MAML2: variants seen among roughly 807,000 people sequenced by gnomAD.
MAML2 encodes mastermind like transcriptional coactivator 2, also known as mastermind-like protein 2.
Under a neutral mutation model 96.1 loss-of-function variants are expected in MAML2, and 22 were observed. That is an observed-to-expected ratio of 0.23 (90% CI 0.16 to 0.33). The LOEUF (loss-of-function observed/expected upper bound fraction) is 0.33, where lower values mean the gene tolerates loss of function less well. MAML2 is among the 10% of genes least tolerant of loss of function. The pLI is 1.00. For missense variants in MAML2, 1,367 were observed against 1,392.4 expected, an observed-to-expected ratio of 0.98 and a Z score of 0.29; for synonymous variants, 561 against 521.3, an observed-to-expected ratio of 1.08 and a Z score of -1.04.
At chr11:96,230,753 G>C (rs1460134393) in intron 1 of MAML2, among the ~76,000 whole-genome samples, 1 of 152,208 alleles carries the variant, frequency 6.6e-6, no homozygotes, top group Non-Finnish European at 1.5e-5. Flanking sequence ...TAGTCCTCAG[G>C]AAATGAGGGA....
At chr11:96,173,154 G>A (rs1279960287) in intron 1 of MAML2, among the ~76,000 whole-genome samples, 1 of 152,176 alleles carries the variant, frequency 6.6e-6, no homozygotes, top group Admixed American at 6.6e-5. Context: ...CTGTCGGGGA[G>A]ATGTGTCCCA....
intron 2 of MAML2, among the ~76,000 whole-genome samples, chr11:96,046,267 C>G (rs4753186): frequency 1.3e-5 from 2 of 151,916 alleles, no homozygotes; most frequent in African/African-American, 4.8e-5. Flanking sequence ...TGATGAATTG[C>G]AAGAATGTGT....
chr11:96,164,560 C>G (rs1479661742), intron 1 of MAML2, among the ~76,000 whole-genome samples: 1 of 152,180 alleles, frequency 6.6e-6, no homozygotes, highest in Non-Finnish European at 1.5e-5. Context: ...AGAACATGCT[C>G]TTGATCTTCT....
chr11:95,999,571 A>G (rs1021020378), intron 2 of MAML2, among the ~76,000 whole-genome samples: 1 of 137,044 alleles, frequency 7.3e-6, no homozygotes, highest in Non-Finnish European at 1.6e-5. Context: ...TTGTTCTCTT[A>G]ATTAAAAAAA....
intron 1 of MAML2, among the ~76,000 whole-genome samples, chr11:96,285,746 G>C (rs1591113876): frequency 6.6e-6 from 1 of 152,182 alleles, no homozygotes; most frequent in Non-Finnish European, 1.5e-5. Context: ...CTGATCATTA[G>C]AGAAATGCAA....
chr11:96,185,204 T>C (rs531819286), intron 1 of MAML2, among the ~76,000 whole-genome samples: 41 of 148,442 alleles, frequency 2.8e-4, no homozygotes, highest in African/African-American at 1.1e-3. Flanking sequence ...ACTCCATCTG[T>C]GTTACAACCA....
chr11:96,110,330 T>C (rs1293596606), intron 1 of MAML2, among the ~76,000 whole-genome samples: 1 of 152,242 alleles, frequency 6.6e-6, no homozygotes. Flanking sequence ...GTTGGTACAA[T>C]ACTTGGTATT....
intron 2 of MAML2, among the ~76,000 whole-genome samples, chr11:96,014,153 AG>A (rs970628298): frequency 5.3e-5 from 8 of 152,284 alleles, no homozygotes; most frequent in African/African-American, 1.7e-4. Context: ...ACACCCTGCG[AG>A]GGGGACAAGG....
intron 1 of MAML2, among the ~76,000 whole-genome samples, chr11:96,133,933 G>A (rs1055729751): frequency 4.0e-4 from 61 of 152,272 alleles, no homozygotes; most frequent in African/African-American, 1.4e-3. Flanking sequence ...GGCAGAGGTT[G>A]CAGTAAGCTG....
At chr11:96,023,773 T>C (rs994664747) in intron 2 of MAML2, among the ~76,000 whole-genome samples, 1 of 152,024 alleles carries the variant, frequency 6.6e-6, no homozygotes, top group East Asian at 1.9e-4. Flanking sequence ...GCAAACAGAA[T>C]ATGGCTGAGA....
chr11:96,187,221 T>C (rs1041423571), intron 1 of MAML2, among the ~76,000 whole-genome samples: 32 of 152,234 alleles, frequency 2.1e-4, no homozygotes, highest in African/African-American at 7.5e-4. Flanking sequence ...TGAGATAACA[T>C]ATAAAATGTG....
At chr11:96,014,568 G>A (rs2135730757) in intron 2 of MAML2, among the ~76,000 whole-genome samples, 1 of 152,256 alleles carries the variant, frequency 6.6e-6, no homozygotes, top group East Asian at 1.9e-4. Context: ...CCAACCAATT[G>A]ATTATTTTGA....
At chr11:96,252,487 G>A (rs141182690) in intron 1 of MAML2, among the ~76,000 whole-genome samples, 1 of 149,214 alleles carries the variant, frequency 6.7e-6, no homozygotes, top group Admixed American at 6.7e-5. Flanking sequence ...GTGCAGTGGA[G>A]CGATCTCTGC....
chr11:96,031,817 C>G (rs1411335592), intron 2 of MAML2, among the ~76,000 whole-genome samples: 1 of 151,874 alleles, frequency 6.6e-6, no homozygotes, highest in African/African-American at 2.4e-5. Flanking sequence ...AACCCCGTCT[C>G]TACTAAAAAT....
intron 1 of MAML2, among the ~76,000 whole-genome samples, chr11:96,290,428 T>C (rs1488061972): frequency 6.6e-6 from 1 of 152,234 alleles, no homozygotes; most frequent in Non-Finnish European, 1.5e-5. Context: ...CTGCTTCTTC[T>C]ATGTGATTGA....
At chr11:96,249,155 C>T (rs1862550149) in intron 1 of MAML2, among the ~76,000 whole-genome samples, 1 of 152,060 alleles carries the variant, frequency 6.6e-6, no homozygotes, top group Non-Finnish European at 1.5e-5. Context: ...CAAATAAACT[C>T]TTCCTCCTTC....
intron 2 of MAML2, among the ~76,000 whole-genome samples, chr11:96,035,779 T>C (rs937473094): frequency 2.6e-5 from 4 of 152,184 alleles, no homozygotes; most frequent in Non-Finnish European, 4.4e-5. Flanking sequence ...TTCTGTTCCA[T>C]GAAATGCAAC....
intron 1 of MAML2, among the ~76,000 whole-genome samples, chr11:96,316,006 A>G (rs1863627394): frequency 6.6e-6 from 1 of 152,238 alleles, no homozygotes; most frequent in South Asian, 2.1e-4. Context: ...AGCAATATGT[A>G]AGCCTGTGAC....
At chr11:96,289,194 G>C (rs1433683276) in intron 1 of MAML2, among the ~76,000 whole-genome samples, 1 of 152,172 alleles carries the variant, frequency 6.6e-6, no homozygotes, top group Non-Finnish European at 1.5e-5. Flanking sequence ...CTGGGAAAAA[G>C]ACTATTGTGT....
Sources: allele counts gnomAD v4.1 joint callset (sites outside exome capture counted in the v4.1 genomes callset), GRCh38; gene constraint gnomAD v4.1.1; transcripts MANE v1.5; gene names NCBI Gene and HGNC (gene_info 2026-07-23, HGNC 2026-07-21).